The following MACROD2 variants were observed in gnomAD, a reference collection of about 807,000 sequenced individuals.
MACROD2 encodes the protein ADP-ribose glycohydrolase MACROD2.
A neutral mutation model predicts 70.4 loss-of-function variants in MACROD2; 36 were observed. The ratio of observed to expected loss-of-function variants is 0.51; its 90% CI spans 0.39 to 0.68. The LOEUF (loss-of-function observed/expected upper bound fraction) is 0.68, where lower values mean the gene tolerates loss of function less well. Ranked by LOEUF, MACROD2 falls within the 30% of genes least tolerant of loss-of-function variation. The probability of loss-of-function intolerance (pLI) is 0.00; values close to 1 mark genes in which losing one functional copy is unlikely to be tolerated. For missense variants in MACROD2, 496 were observed against 538.4 expected (o/e 0.92, Z 0.78); for synonymous variants, 172 against 178.8 (o/e 0.96, Z 0.30).
intron 4 of MACROD2, among the ~76,000 whole-genome samples, chr20:14,503,648 A>T (rs973779065): frequency 6.6e-6 from 1 of 152,240 alleles, no homozygotes; most frequent in African/African-American, 2.4e-5. Context: ...AGCTTCTGCC[A>T]CATGGTTATT....
chr20:15,857,813 C>T (rs2147156773), intron 8 of MACROD2, among the ~76,000 whole-genome samples: 1 of 152,234 alleles, frequency 6.6e-6, no homozygotes, highest in Non-Finnish European at 1.5e-5. Context: ...GATGTAAAAA[C>T]TAGGGTGAGG....
At chr20:15,799,272 C>T (rs529292694) in intron 8 of MACROD2, among the ~76,000 whole-genome samples, 7 of 152,234 alleles carry the variant, frequency 4.6e-5, no homozygotes, top group Admixed American at 3.3e-4. Flanking sequence ...TCACCTCAAG[C>T]GTTTATCATT....
In MACROD2 at chr20:15,082,595, A is replaced by G. The variant is rs1271599183; in HGVS notation, c.419-147345A>G. On this transcript the variant is annotated intron_variant, in intron 5 of 17. Transcript: ENST00000684519. ...TTGGAAATCATAGAAACATATTTGC[A>G]ACATGCAAGATGTTATTTCTGCATT... Among the ~76,000 whole-genome samples, 9 of 144,382 alleles carry G rather than the reference A, an allele frequency of 6.2e-5. No homozygotes were observed. In the Admixed American group the frequency reaches 6.5e-4, roughly 10 times the overall value. 94.7% of individuals were successfully genotyped at this position (144,382 alleles called of 152,430 possible). A position where few individuals can be genotyped will look rare whatever the true frequency, so the allele number is the denominator to read the frequency against.
At chr20:14,142,380 A>G (rs371592263) in intron 3 of MACROD2, among the ~76,000 whole-genome samples, 2 of 152,286 alleles carry the variant, frequency 1.3e-5, no homozygotes, top group Admixed American at 6.5e-5. Context: ...CTTAGCGACC[A>G]CAGGTTTTTC....
chr20:15,758,384 G>T (rs1172279309), intron 8 of MACROD2, among the ~76,000 whole-genome samples: 1 of 150,694 alleles, frequency 6.6e-6, no homozygotes, highest in South Asian at 2.1e-4. Flanking sequence ...GATTACAGGT[G>T]CCCACCACCA....
chr20:15,827,344 A>G (rs1435676970), intron 8 of MACROD2, among the ~76,000 whole-genome samples: 3 of 152,210 alleles, frequency 2.0e-5, no homozygotes, highest in Non-Finnish European at 4.4e-5. Context: ...AGATAAAAGG[A>G]TTATTAAATA....
At chr20:14,988,355 C>CAAAAAAA (rs11087116) in intron 5 of MACROD2, among the ~76,000 whole-genome samples, 1 of 112,242 alleles carries the variant, frequency 8.9e-6, no homozygotes, top group Non-Finnish European at 1.7e-5. Context: ...GAGACTCTGT[C>CAAAAAAA]AAAAAAAAAA....
chr20:14,508,517 G>A (rs2084994132), intron 4 of MACROD2, among the ~76,000 whole-genome samples: 1 of 152,140 alleles, frequency 6.6e-6, no homozygotes, highest in Non-Finnish European at 1.5e-5. Flanking sequence ...AAACCCAAGG[G>A]AGGGAGAGAG....
intron 8 of MACROD2, among the ~76,000 whole-genome samples, chr20:15,710,973 C>G (rs1347876165): frequency 6.6e-6 from 1 of 152,086 alleles, no homozygotes; most frequent in Non-Finnish European, 1.5e-5. Flanking sequence ...TTCCGCAGCC[C>G]TTTATAGAAA....
intron 5 of MACROD2, among the ~76,000 whole-genome samples, chr20:14,824,293 G>A (rs980712281): frequency 6.6e-6 from 1 of 152,042 alleles, no homozygotes; most frequent in African/African-American, 2.4e-5. Context: ...CAGAATTCTT[G>A]GGAGTTGGTC....
At chr20:15,035,709 T>A (rs2075307539) in intron 5 of MACROD2, among the ~76,000 whole-genome samples, 2 of 152,190 alleles carry the variant, frequency 1.3e-5, no homozygotes, top group Admixed American at 1.3e-4. Flanking sequence ...CCCAGGAAGA[T>A]GTGGGCAGTT....
chr20:14,146,881 T>A (rs1257074375), intron 3 of MACROD2, among the ~76,000 whole-genome samples: 1 of 152,220 alleles, frequency 6.6e-6, no homozygotes. Context: ...CATTGCCATC[T>A]ATCACAGTCA....
At chr20:15,579,405 G>A (rs1212648753) in intron 8 of MACROD2, among the ~76,000 whole-genome samples, 1 of 152,148 alleles carries the variant, frequency 6.6e-6, no homozygotes. Context: ...TCTGAAGTTT[G>A]AGAAAATAGA....
intron 8 of MACROD2, among the ~76,000 whole-genome samples, chr20:15,557,027 A>C (rs879480242): frequency 1.6e-4 from 25 of 152,322 alleles, no homozygotes; most frequent in Non-Finnish European, 2.4e-4. Flanking sequence ...CCAATCAGTC[A>C]TACAGCCATG....
At chr20:15,984,291 A>C (rs1020272495) in intron 13 of MACROD2, among the ~76,000 whole-genome samples, 47 of 152,216 alleles carry the variant, frequency 3.1e-4, no homozygotes, top group African/African-American at 1.1e-3. Context: ...AACTTGCTTA[A>C]ATTTTTAAAA....
At chr20:14,672,048 T>C (rs1347730451) in intron 4 of MACROD2, among the ~76,000 whole-genome samples, 2 of 152,240 alleles carry the variant, frequency 1.3e-5, no homozygotes, top group Non-Finnish European at 1.5e-5. Flanking sequence ...TCTTGCTTTG[T>C]ATCCCTTCTG....
chr20:14,857,274 C>A (rs1416672845), intron 5 of MACROD2, among the ~76,000 whole-genome samples: 6 of 152,192 alleles, frequency 3.9e-5, no homozygotes, highest in Non-Finnish European at 8.8e-5. Context: ...CTTATATCTC[C>A]TGCTCTTCAT....
chr20:15,801,338 G>A (rs1336993358), intron 8 of MACROD2, among the ~76,000 whole-genome samples: 3 of 152,050 alleles, frequency 2.0e-5, no homozygotes, highest in Non-Finnish European at 4.4e-5. Flanking sequence ...AGAGGATGCT[G>A]GAGGAGGCTC....
At chr20:15,725,462 T>C (rs2050847955) in intron 8 of MACROD2, among the ~76,000 whole-genome samples, 1 of 152,222 alleles carries the variant, frequency 6.6e-6, no homozygotes, top group Non-Finnish European at 1.5e-5. Flanking sequence ...AATCACTTGT[T>C]AGTTCTAGGG....
Sources: allele counts gnomAD v4.1 joint callset (sites outside exome capture counted in the v4.1 genomes callset), GRCh38; gene constraint gnomAD v4.1.1; transcripts MANE v1.5; gene names NCBI Gene and HGNC (gene_info 2026-07-23, HGNC 2026-07-21).